ACAD11: variants seen among roughly 807,000 people sequenced by gnomAD.
ACAD11 encodes acyl-CoA dehydrogenase family member 11.
ACAD11 carries 83 observed loss-of-function variants against 102.2 expected under a neutral mutation model. The observed-to-expected ratio is 0.81, with a 90% CI of 0.68 to 0.97. The LOEUF (loss-of-function observed/expected upper bound fraction) is 0.97. Among genes scored for constraint, ACAD11 ranks in the 50% least tolerant of loss-of-function variants. The probability of loss-of-function intolerance (pLI) is 0.00; values close to 1 mark genes in which losing one functional copy is unlikely to be tolerated. For synonymous variants in ACAD11, 324 were observed against 319.8 expected, an observed-to-expected ratio of 1.01 and a Z score of -0.14; for missense variants, 901 against 951.7, an observed-to-expected ratio of 0.95 and a Z score of 0.70.
At chr3:132,654,620 T>C (rs1211384789) in intron 1 of ACAD11, 2 of 152,218 alleles carry the variant, frequency 1.3e-5, no homozygotes, top group Non-Finnish European at 2.9e-5. Flanking sequence ...AGGCCTCCTT[T>C]CCTTTGGCTG....
At chr3:132,565,823 C>T (rs1027807060) in intron 17 of ACAD11, among the ~76,000 whole-genome samples, 1 of 152,148 alleles carries the variant, frequency 6.6e-6, no homozygotes, top group African/African-American at 2.4e-5. Context: ...TGTGCTGGCT[C>T]CCCCTTTACC....
At chr3:132,628,495 A>G in intron 7 of ACAD11, 49 bp from the exon 8 acceptor site, 1 of 1,319,626 alleles carries the variant, frequency 7.6e-7, no homozygotes. Context: ...CCGTCCTTCA[A>G]CAATCCAATC....
chr3:132,636,748 C>G (rs1940287880), intron 5 of ACAD11, among the ~76,000 whole-genome samples: 1 of 152,058 alleles, frequency 6.6e-6, no homozygotes, highest in South Asian at 2.1e-4. Flanking sequence ...AAAAATATCA[C>G]CCATCAATCT....
At chr3:132,565,390 T>C (rs970592613) in intron 17 of ACAD11, among the ~76,000 whole-genome samples, 5 of 152,132 alleles carry the variant, frequency 3.3e-5, no homozygotes, top group African/African-American at 1.2e-4. Context: ...CTTCAGGTAC[T>C]GATGGAAGCT....
chr3:132,619,792 G>A (rs1429466115), intron 9 of ACAD11, among the ~76,000 whole-genome samples: 3 of 152,096 alleles, frequency 2.0e-5, no homozygotes, highest in African/African-American at 7.2e-5. Flanking sequence ...CTAGCAATAT[G>A]ACAAACTAGA....
At chr3:132,611,189 A>G (rs1340038087) in intron 11 of ACAD11, among the ~76,000 whole-genome samples, 2 of 152,016 alleles carry the variant, frequency 1.3e-5, no homozygotes, top group Non-Finnish European at 2.9e-5. Context: ...CATGCTAAAA[A>G]CTCTCAATAA....
intron 13 of ACAD11, among the ~76,000 whole-genome samples, chr3:132,593,943 CT>C (rs1328638146): frequency 2.6e-5 from 4 of 152,156 alleles, no homozygotes. Context: ...GTGAGTGATG[CT>C]TCTGCCTACC....
intron 12 of ACAD11, 101 bp downstream of exon 12, chr3:132,604,996 AT>A (rs1364032115): frequency 1.1e-6 from 1 of 904,824 alleles, no homozygotes; most frequent in African/African-American, 1.7e-5. Context: ...CCAATGGCAA[AT>A]TTGACTGAAA....
intron 13 of ACAD11, among the ~76,000 whole-genome samples, chr3:132,584,308 A>G (rs913407173): frequency 1.3e-5 from 2 of 152,198 alleles, no homozygotes; most frequent in Non-Finnish European, 2.9e-5. Context: ...CTTCACCATT[A>G]TGTAATGGCC....
At chr3:132,571,528 G>A (rs948634680) in intron 17 of ACAD11, among the ~76,000 whole-genome samples, 4 of 151,920 alleles carry the variant, frequency 2.6e-5, no homozygotes, top group Non-Finnish European at 5.9e-5. Context: ...ATCAATTTTT[G>A]CTTTTTTTGT....
At chr3:132,587,515 T>C (rs1015031313) in intron 13 of ACAD11, among the ~76,000 whole-genome samples, 2 of 152,224 alleles carry the variant, frequency 1.3e-5, no homozygotes, top group East Asian at 1.9e-4. Context: ...TGTTTTATTT[T>C]TCTTGACCTC....
rs546732705 is a variant in ACAD11 at position 132,621,978 on chromosome 3, C to CA, written c.1198-2434dup. Among the ~76,000 whole-genome samples the CA allele has an allele frequency of 9.8e-3, 781 of 79,572 alleles. 8 individuals are homozygous for CA. The highest frequency in any genetic ancestry group is 0.019 in the African/African-American group (511 of 26,922). 52.2% of individuals were successfully genotyped at this position (79,572 alleles called of 152,430 possible). A position where few individuals can be genotyped will look rare whatever the true frequency, so the allele number is the denominator to read the frequency against. On this transcript the variant is annotated intron_variant, in intron 9 of 19. Transcript: ENST00000264990. ...TGGGTGACAGAATGAGACTCTGTCTCAAAAAAAAAAAAAAAAAAGCCACAT... is the reference window on the plus strand; with the variant it reads ...TGGGTGACAGAATGAGACTCTGTCTCAAAAAAAAAAAAAAAAAAAGCCACAT...
chr3:132,612,011 TG>T, intron 11 of ACAD11, among the ~76,000 whole-genome samples: 1 of 152,148 alleles, frequency 6.6e-6, no homozygotes, highest in South Asian at 2.1e-4. Context: ...AGCATGGTAC[TG>T]GTACTAAAAC....
At chr3:132,633,893 T>C (rs1201865643) in intron 5 of ACAD11, among the ~76,000 whole-genome samples, 1 of 151,990 alleles carries the variant, frequency 6.6e-6, no homozygotes, top group Non-Finnish European at 1.5e-5. Flanking sequence ...TTACACCTTA[T>C]ACAAAAATTA....
intron 17 of ACAD11, among the ~76,000 whole-genome samples, chr3:132,563,398 GGT>G (rs1937120788): frequency 6.6e-6 from 1 of 152,078 alleles, no homozygotes; most frequent in Admixed American, 6.5e-5. Context: ...ATTTGAGGAT[GGT>G]TAACATCTTT....
intron 5 of ACAD11, among the ~76,000 whole-genome samples, chr3:132,635,609 T>C (rs531970349): frequency 6.6e-6 from 1 of 152,298 alleles, no homozygotes; most frequent in African/African-American, 2.4e-5. Flanking sequence ...TCAGCCATAA[T>C]ATACACCTCT....
intron 13 of ACAD11, among the ~76,000 whole-genome samples, chr3:132,582,461 A>T (rs1937617464): frequency 6.6e-6 from 1 of 152,018 alleles, no homozygotes; most frequent in African/African-American, 2.4e-5. Flanking sequence ...CTTTAAAAAC[A>T]TTAAAGAAAA....
At chr3:132,577,290 C>A (rs955217064) in intron 15 of ACAD11, among the ~76,000 whole-genome samples, 1 of 152,030 alleles carries the variant, frequency 6.6e-6, no homozygotes, top group Admixed American at 6.6e-5. Flanking sequence ...GAAGACCAGG[C>A]TCCATAGATC....
At chr3:132,618,307 G>T in intron 11 of ACAD11, 1 of 269,316 alleles carries the variant, frequency 3.7e-6, no homozygotes, top group Admixed American at 5.3e-5. Context: ...CTAACCAAAA[G>T]ATTTGAAACT....
Sources: allele counts gnomAD v4.1 joint callset (sites outside exome capture counted in the v4.1 genomes callset), GRCh38; gene constraint gnomAD v4.1.1; transcripts MANE v1.5; gene names NCBI Gene and HGNC (gene_info 2026-07-23, HGNC 2026-07-21).